The following CHD8 variants were observed in gnomAD, a reference collection of about 807,000 sequenced individuals.
CHD8 encodes ATP-dependent chromatin remodeler CHD8.
A neutral mutation model predicts 279.2 loss-of-function variants in CHD8; 31 were observed. The observed-to-expected ratio is 0.11, with a 90% confidence interval of 0.08 to 0.15. The LOEUF (loss-of-function observed/expected upper bound fraction) is 0.15. CHD8 is among the 10% of genes least tolerant of loss of function. CHD8 has a pLI of 1.00. For synonymous variants in CHD8, 1,081 were observed against 1,139.6 expected (o/e 0.95, Z 1.04); for missense variants, 2,146 against 3,230.5 (o/e 0.66, Z 8.14).
chr14:21,449,092 G>T (rs1022129816), intron 1 of CHD8, among the ~76,000 whole-genome samples: 12 of 151,818 alleles, frequency 7.9e-5, no homozygotes, highest in South Asian at 6.2e-4. Context: ...GAGAATGGCG[G>T]GAACCCGGGA....
intron 1 of CHD8, among the ~76,000 whole-genome samples, chr14:21,449,930 C>T (rs868257645): frequency 7.2e-5 from 11 of 152,072 alleles, no homozygotes; most frequent in Admixed American, 1.3e-4. Context: ...GTAAAACAGG[C>T]GAAAGCACTA....
At chr14:21,437,660 G>A (rs1012244985) in intron 1 of CHD8, among the ~76,000 whole-genome samples, 4 of 152,138 alleles carry the variant, frequency 2.6e-5, no homozygotes, top group Non-Finnish European at 4.4e-5. Context: ...CTCTCCTGTA[G>A]TGACTACACC....
intron 26 of CHD8, 106 bp downstream of exon 26, chr14:21,399,496 G>A: frequency 1.3e-6 from 1 of 769,290 alleles, no homozygotes. Flanking sequence ...ATTTATTGAA[G>A]ATCAATCAGA....
chr14:21,395,227 A>T (rs1887724470), intron 29 of CHD8, 71 bp downstream of exon 29: 7 of 1,529,956 alleles, frequency 4.6e-6, no homozygotes, highest in Non-Finnish European at 6.3e-6. Context: ...CCAGGATAGG[A>T]CAGAATTCAG....
chr14:21,402,291 C>A lies in CHD8; in HGVS notation c.3882+45G>T. The A allele has an allele frequency of 6.2e-7, 1 of 1,603,306 alleles. No individual in the cohort carries two copies. Among genetic ancestry groups the A allele is most frequent in the Non-Finnish European group, 8.5e-7 (1 of 1,170,746 alleles). On this transcript the variant is annotated intron_variant, in intron 19 of 37. Coordinates refer to ENST00000646647, the MANE Select transcript of CHD8 (RefSeq NM_001170629.2). This position sits in a 1 kb window ranked among gnomAD's most constrained non-coding sequence, Gnocchi z 4.5. ...ACAAATAGCTTTTGTTTCCCTCTAT[C>A]ACAATGATCTACTACAAACTTATCT...
rs1357951579 is a variant in CHD8 at position 21,385,505 on chromosome 14, C to A, written c.*108G>T. 2 of 1,415,746 alleles carry A rather than the reference C, an allele frequency of 1.4e-6. No homozygotes were observed. The highest frequency in any genetic ancestry group is 1.8e-6 in the Non-Finnish European group (2 of 1,085,214). The allele number at this position is 1,415,746 out of a possible 1,614,324, so 87.7% of individuals were successfully genotyped here. On this transcript the variant is annotated 3_prime_UTR_variant, in exon 38 of 38. Transcript: ENST00000646647. Reference sequence around the variant, plus strand: ...TTTTTTCCTTTTCACCTCCTGGAGTCCTGGACTTCCCCACATCTCCCCTGC... The same window carrying A: ...TTTTTTCCTTTTCACCTCCTGGAGTACTGGACTTCCCCACATCTCCCCTGC...
chr14:21,399,011 G>A, intron 26 of CHD8: 1 of 406,828 alleles, frequency 2.5e-6, no homozygotes, highest in South Asian at 2.1e-5. Context: ...TCAAAGCCAA[G>A]ATCCACGACA....
In CHD8 at chr14:21,393,544, G is replaced by C. The variant is rs1453498359; in HGVS notation, c.6251C>G (p.Ser2084Cys). The C allele has an allele frequency of 6.2e-7, 1 of 1,606,872 alleles. No individual in the cohort carries two copies. ...GCTGGAGCTGGATGAGGATGAGGAA[G>C]AAGAAGAAGATGGTGACAGCTTGCT... Reference protein sequence around the residue: ...DLSKLSPSSSSSSSSSSSSSS... With the variant: ...DLSKLSPSSSCSSSSSSSSSS... Residue 2084 changes from serine (S) to cysteine (C), a missense_variant, in exon 32 of 38, where the codon TCT (serine) becomes TGT (cysteine). Coordinates refer to ENST00000646647, the MANE Select transcript of CHD8 (RefSeq NM_001170629.2).
Position 21,396,566 on chromosome 14 carries a change from T to TTTTATTTATTTATTTATTTA in CHD8, c.5052-694_5052-675dup, listed in dbSNP as rs527253568. 584 of 151,640 alleles carry TTTTATTTATTTATTTATTTA rather than the reference T, an allele frequency of 3.9e-3. 4 individuals are homozygous for TTTTATTTATTTATTTATTTA. Among genetic ancestry groups the TTTTATTTATTTATTTATTTA allele is most frequent in the African/African-American group, 0.014 (563 of 41,134 alleles). 9.4% of individuals were successfully genotyped at this position (151,640 alleles called of 1,614,324 possible). A position where few individuals can be genotyped will look rare whatever the true frequency, so the allele number is the denominator to read the frequency against. The stretch of plus-strand genomic sequence containing the variant: ...CAAGTGATCCCATCCTGGCCTAGTC[T>TTTTATTTATTTATTTATTTA]TTTATTTATTTATTTATTTATTTAT... On this transcript the variant is annotated intron_variant, in intron 27 of 37. Transcript: ENST00000646647.
intron 1 of CHD8, among the ~76,000 whole-genome samples, chr14:21,433,070 G>C (rs1000504067): frequency 6.6e-6 from 1 of 152,178 alleles, no homozygotes; most frequent in African/African-American, 2.4e-5. Flanking sequence ...GGATGGTGGG[G>C]ACTATGTTTT....
chr14:21,403,734 G>A lies in CHD8; in HGVS notation c.3308-71C>T, dbSNP rs1888133041. On this transcript the variant is annotated intron_variant, in intron 16 of 37. Transcript: ENST00000646647. This position sits in a 1 kb window ranked among gnomAD's most constrained non-coding sequence, Gnocchi z 4.3. The stretch of plus-strand genomic sequence containing the variant: ...TTAAGGTTGTAGTCTATTTAACTAA[G>A]AAAGCAAAAGGAAAAAAATGTAATT... The A allele has an allele frequency of 8.0e-7, 1 of 1,251,492 alleles. No individual in the cohort carries two copies. Among genetic ancestry groups the A allele is most frequent in the African/African-American group, 1.5e-5 (1 of 66,244 alleles). 77.5% of individuals were successfully genotyped at this position (1,251,492 alleles called of 1,614,324 possible).
At position 21,405,446 on chromosome 14, in the gene CHD8, T is replaced by C; in HGVS notation, c.3070A>G (p.Ile1024Val). The C allele has an allele frequency of 1.9e-6, 3 of 1,602,548 alleles. No individual in the cohort carries two copies. Among genetic ancestry groups the C allele is most frequent in the Non-Finnish European group, 2.6e-6 (3 of 1,173,872 alleles). ...TEEQVQKLQA[I>V]LKPMMLRRLK... The stretch of plus-strand genomic sequence containing the variant: ...CTTCTCAGCATCATTGGCTTAAGAA[T>C]GGCCTGTAGCTTTTGAACCTGTGGT... Residue 1024 changes from isoleucine (I) to valine (V), a missense_variant, in exon 16 of 38, where the codon ATT becomes GTT. By Grantham distance (29) the Ile-to-Val change is conservative. Around this residue, in one of 26 missense-constraint regions of CHD8, gnomAD observed 211 missense variants for 464.7 expected, o/e 0.45. Coordinates refer to ENST00000646647, the MANE Select transcript of CHD8 (RefSeq NM_001170629.2). The surrounding 1 kb of genome is among the most constrained non-coding windows in gnomAD (Gnocchi z 4.2).
At position 21,395,808 on chromosome 14, in the gene CHD8, AT is replaced by A. The variant is rs1887757643; in HGVS notation, c.5127+8del. 6.5e-7 allele frequency: 1 copy of A among 1,545,960 alleles called. No individual in the cohort carries two copies. The highest frequency in any genetic ancestry group is 1.4e-5 in the African/African-American group (1 of 72,966). Reference sequence around the variant, plus strand: ...AGAGAAAAGTGAGACTCAAATGAGAATTCCTTACCTCATCATCTTGGTCCTT... The same window carrying A: ...AGAGAAAAGTGAGACTCAAATGAGAATCCTTACCTCATCATCTTGGTCCTT... On this transcript the variant is annotated splice_region_variant and intron_variant, in intron 28 of 37. Coordinates refer to ENST00000646647, the MANE Select transcript of CHD8 (RefSeq NM_001170629.2).
intron 36 of CHD8, 63 bp from the exon 37 acceptor site, chr14:21,391,126 G>T (rs1455716345): frequency 5.8e-6 from 6 of 1,038,046 alleles, no homozygotes; most frequent in Admixed American, 4.1e-5. Context: ...AATTATTAAA[G>T]TACTAGTGTC....
At chr14:21,434,114 C>T (rs1594383152) in intron 1 of CHD8, among the ~76,000 whole-genome samples, 1 of 149,420 alleles carries the variant, frequency 6.7e-6, no homozygotes, top group Admixed American at 6.7e-5. Context: ...GGCGCGATCT[C>T]GGCTCACCGC....
intron 1 of CHD8, chr14:21,437,059 T>TG: frequency 2.3e-5 from 2 of 87,414 alleles, no homozygotes. Context: ...GACGGGAAGA[T>TG]GCGGGGGGTG....
Position 21,414,223 on chromosome 14 carries a change from A to G in CHD8, c.2142+78T>C. ...TAGAAACCAATTACAAGTATTTTGAAGAATCAGCCAAGGCTGACAACCCCA... is the reference window on the plus strand; with the variant it reads ...TAGAAACCAATTACAAGTATTTTGAGGAATCAGCCAAGGCTGACAACCCCA... On this transcript the variant is annotated intron_variant, in intron 9 of 37. Coordinates refer to ENST00000646647, the MANE Select transcript of CHD8 (RefSeq NM_001170629.2). 3 of 772,272 alleles carry G rather than the reference A, an allele frequency of 3.9e-6. 1 individual carries two copies. The South Asian group carries it at 4.7e-5, about 12-fold the overall frequency. The allele number at this position is 772,272 out of a possible 1,614,324, so 47.8% of individuals were successfully genotyped here.
chr14:21,398,824 A>C (rs959297171), intron 26 of CHD8: 1 of 213,916 alleles, frequency 4.7e-6, no homozygotes, highest in East Asian at 1.4e-4. Context: ...CCTCATACCT[A>C]TATCAGAGAG....
chr14:21,437,126 G>A lies in CHD8; in HGVS notation c.-215-5268C>T, dbSNP rs180990261. On this transcript the variant is annotated intron_variant, in intron 1 of 37. Coordinates refer to ENST00000646647, the MANE Select transcript of CHD8 (RefSeq NM_001170629.2). Reference sequence around the variant, plus strand: ...TTAGGGCGGAAGCTGCAGGCCGAGAGGCCCGACAAGCCCTGAAGGAGAAAA... The same window carrying A: ...TTAGGGCGGAAGCTGCAGGCCGAGAAGCCCGACAAGCCCTGAAGGAGAAAA... 106 of 947,404 alleles carry A rather than the reference G, an allele frequency of 1.1e-4. No homozygotes were observed. The East Asian group carries it at 3.4e-3, about 30-fold the overall frequency. The allele number at this position is 947,404 out of a possible 1,614,324, so 58.7% of individuals were successfully genotyped here. A position where few individuals can be genotyped will look rare whatever the true frequency, so the allele number is the denominator to read the frequency against.
Sources: allele counts gnomAD v4.1 joint callset (sites outside exome capture counted in the v4.1 genomes callset), GRCh38; gene constraint gnomAD v4.1.1; regional missense constraint gnomAD v4.1.1; non-coding constraint Gnocchi (gnomAD v3.1); transcripts MANE v1.5; gene names NCBI Gene and HGNC (gene_info 2026-07-23, HGNC 2026-07-21).